PLEKHA1: variants seen among roughly 807,000 people sequenced by gnomAD.
PLEKHA1 encodes pleckstrin homology domain containing A1, also known as pleckstrin homology domain-containing family A member 1.
PLEKHA1 carries 34 observed loss-of-function variants against 52.0 expected under a neutral mutation model. That is an observed-to-expected ratio of 0.65 (90% CI 0.50 to 0.87). The LOEUF is 0.87. Among genes scored for constraint, PLEKHA1 ranks in the 40% least tolerant of loss-of-function variants. The probability of loss-of-function intolerance (pLI) is 0.00; values close to 1 mark genes in which losing one functional copy is unlikely to be tolerated. For missense variants in PLEKHA1, 497 were observed against 504.2 expected (o/e 0.99, Z 0.14); for synonymous variants, 163 against 170.7 (o/e 0.95, Z 0.35).
intron 10 of PLEKHA1, among the ~76,000 whole-genome samples, chr10:122,426,427 G>A (rs1055754508): frequency 2.6e-5 from 4 of 151,994 alleles, no homozygotes; most frequent in Non-Finnish European, 5.9e-5. Context: ...TCTGCACCCC[G>A]ATTGGGGCCT....
At chr10:122,432,589 A>G (rs1050119069), downstream of PLEKHA1, 1 of 152,216 alleles carries the variant, frequency 6.6e-6, no homozygotes, top group African/African-American at 2.4e-5. Flanking sequence ...ATTTTTCTTA[A>G]TTAAAAAACA....
chr10:122,387,642 C>T (rs2096718650), intron 1 of PLEKHA1: 5 of 152,132 alleles, frequency 3.3e-5, no homozygotes. Context: ...TCTTGGGGGT[C>T]TCTCTCTTGT....
At chr10:122,428,515 G>C in intron 11 of PLEKHA1, 1 of 1,113,608 alleles carries the variant, frequency 9.0e-7, no homozygotes, top group Non-Finnish European at 1.1e-6. Context: ...TTGGATATGT[G>C]TATTTAAAAA....
At chr10:122,428,456 A>G in intron 11 of PLEKHA1, 1 of 1,370,708 alleles carries the variant, frequency 7.3e-7, no homozygotes, top group Non-Finnish European at 9.5e-7. Context: ...CAGTTATCAT[A>G]ACTGATTTTG....
At position 122,429,673 on chromosome 10, in the gene PLEKHA1, A is replaced by G. The variant is rs375458420; in HGVS notation, c.950A>G (p.Asn317Ser). The G allele has an allele frequency of 7.8e-5, 126 of 1,613,884 alleles. 1 individual carries two copies. The highest frequency in any genetic ancestry group is 6.0e-4 in the East Asian group (27 of 44,882). The change falls in exon 12 of 12, where the codon AAC becomes AGC. Residue 317 changes from asparagine (N) to serine (S), a missense_variant. Coordinates refer to ENST00000368990, the MANE Select transcript of PLEKHA1 (RefSeq NM_001001974.4). ...SESKHAFRPT[N>S]AATATSHSTA... ...TCCAAACACGCTTTCCGTCCTACCA[A>G]CGCAGCCACCGCCACCTCACATTCC...
intron 1 of PLEKHA1, among the ~76,000 whole-genome samples, chr10:122,379,783 A>G (rs2096589894): frequency 6.6e-6 from 1 of 152,226 alleles, no homozygotes. Flanking sequence ...AACAAATAAT[A>G]GTGAAGTCTT....
rs778449237 is a variant in PLEKHA1, at chr10:122,432,011, A to G, written c.*2073A>G. 2 of 152,202 alleles carry G rather than the reference A, an allele frequency of 1.3e-5. No individual in the cohort carries two copies. The highest frequency in any genetic ancestry group is 2.9e-5 in the Non-Finnish European group (2 of 68,042). The allele number at this position is 152,202 out of a possible 1,614,324, so 9.4% of individuals were successfully genotyped here. Reference sequence around the variant, plus strand: ...CAAAATATTAGCTCTGTTTTGGGACATTTTAAAATAGAACTATCCTTGTTC... The same window carrying G: ...CAAAATATTAGCTCTGTTTTGGGACGTTTTAAAATAGAACTATCCTTGTTC... On this transcript the variant is annotated 3_prime_UTR_variant, in exon 12 of 12. Coordinates refer to ENST00000368990, the MANE Select transcript of PLEKHA1 (RefSeq NM_001001974.4).
In PLEKHA1 at chr10:122,376,733, A is replaced by G. The variant is rs1197857180; in HGVS notation, c.-21+1927A>G. ...GAGTTTGTCATAGACTAGGAGAGAC[A>G]GTGAAACAGGATAAGTATACAATTG... On this transcript the variant is annotated intron_variant, in intron 1 of 11. Transcript: ENST00000368990. 2.0e-5 allele frequency among the ~76,000 whole-genome samples: 3 copies of G among 152,320 alleles called. No homozygotes were observed. The East Asian group carries it at 5.8e-4, about 29-fold the overall frequency.
Position 122,424,267 on chromosome 10 carries a change from A to C in PLEKHA1, c.746+4A>C, listed in dbSNP as rs2097306297. 1 of 1,596,874 alleles carries C rather than the reference A, an allele frequency of 6.3e-7. No homozygotes were observed. Among genetic ancestry groups the C allele is most frequent in the Admixed American group, 1.8e-5 (1 of 54,512 alleles). On this transcript the variant is annotated splice_donor_region_variant and intron_variant, in intron 9 of 11. Coordinates refer to ENST00000368990, the MANE Select transcript of PLEKHA1 (RefSeq NM_001001974.4). ...AAGTCCAGGAATGTAAGCAAAGGTA[A>C]GGAACCGCTCTGACTTGATGCCTGG...
intron 6 of PLEKHA1, among the ~76,000 whole-genome samples, chr10:122,414,473 C>T (rs1486367128): frequency 6.6e-6 from 1 of 151,916 alleles, no homozygotes; most frequent in Non-Finnish European, 1.5e-5. Context: ...ATAAAAAATA[C>T]TTGCTCTATG....
chr10:122,425,066 T>C (rs1435453265), intron 10 of PLEKHA1, 107 bp downstream of exon 10: 8 of 952,194 alleles, frequency 8.4e-6, no homozygotes, highest in African/African-American at 1.7e-5. Context: ...TAAAAAAATA[T>C]GACAACTGTA....
chr10:122,401,625 G>A (rs1391050706), intron 4 of PLEKHA1, among the ~76,000 whole-genome samples: 1 of 152,168 alleles, frequency 6.6e-6, no homozygotes, highest in Non-Finnish European at 1.5e-5. Flanking sequence ...AAATGGAAAT[G>A]TTCTGTTGAC....
At chr10:122,420,929 C>G (rs1300086375) in intron 8 of PLEKHA1, 1 of 152,168 alleles carries the variant, frequency 6.6e-6, no homozygotes, top group Admixed American at 6.5e-5. Context: ...CACATACACA[C>G]TGATTGATAA....
At chr10:122,400,484 C>T in intron 4 of PLEKHA1, 96 bp downstream of exon 4, 1 of 1,122,584 alleles carries the variant, frequency 8.9e-7, no homozygotes, top group Non-Finnish European at 1.3e-6. Flanking sequence ...AAACCTAGGG[C>T]TTAATGAATT....
intron 5 of PLEKHA1, among the ~76,000 whole-genome samples, chr10:122,410,453 G>C (rs879677300): frequency 6.6e-6 from 1 of 152,154 alleles, no homozygotes; most frequent in Non-Finnish European, 1.5e-5. Context: ...GGATGGTTTG[G>C]GGCAGGGGTG....
At chr10:122,381,440 T>A (rs1397805794) in intron 1 of PLEKHA1, among the ~76,000 whole-genome samples, 1 of 152,188 alleles carries the variant, frequency 6.6e-6, no homozygotes, top group Non-Finnish European at 1.5e-5. Flanking sequence ...ATCCCTACTT[T>A]CTGTTCTCAT....
intron 3 of PLEKHA1, among the ~76,000 whole-genome samples, chr10:122,399,150 T>C (rs2096891832): frequency 1.3e-5 from 2 of 152,074 alleles, no homozygotes; most frequent in South Asian, 4.1e-4. Flanking sequence ...GACGTACCAC[T>C]TTTTTTCCAA....
At position 122,415,737 on chromosome 10, in the gene PLEKHA1, C is replaced by T. The variant is rs2097165065; in HGVS notation, c.469-122C>T. On this transcript the variant is annotated intron_variant, in intron 6 of 11. Coordinates refer to ENST00000368990, the MANE Select transcript of PLEKHA1 (RefSeq NM_001001974.4). ...TAAGTATCTCAGATTAATTAGAAAA[C>T]TCTTCAAAAATCTGTTTCTGACTAA... 5 of 941,794 alleles carry T rather than the reference C, an allele frequency of 5.3e-6. No homozygotes were observed. The South Asian group carries it at 8.5e-5, about 16-fold the overall frequency. 58.3% of individuals were successfully genotyped at this position (941,794 alleles called of 1,614,324 possible). A position where few individuals can be genotyped will look rare whatever the true frequency, so the allele number is the denominator to read the frequency against.
intron 8 of PLEKHA1, chr10:122,421,123 G>A (rs953563777): frequency 7.6e-6 from 1 of 131,344 alleles, no homozygotes; most frequent in African/African-American, 2.9e-5. Flanking sequence ...ATTACAGTGA[G>A]GAAACCTGGC....
Sources: allele counts gnomAD v4.1 joint callset (sites outside exome capture counted in the v4.1 genomes callset), GRCh38; gene constraint gnomAD v4.1.1; transcripts MANE v1.5; gene names NCBI Gene and HGNC (gene_info 2026-07-23, HGNC 2026-07-21).